Variants in TLE4 observed in about 807,000 individuals in gnomAD.
The protein encoded by TLE4 is transducin-like enhancer protein 4.
A neutral mutation model predicts 92.8 loss-of-function variants in TLE4; 8 were observed. That is an observed-to-expected ratio of 0.09 (90% CI 0.05 to 0.16). The LOEUF is 0.16. Among genes scored for constraint, TLE4 ranks in the 10% least tolerant of loss-of-function variants. TLE4 has a pLI of 1.00. For missense variants in TLE4, 675 were observed against 997.6 expected (o/e 0.68, Z 4.36); for synonymous variants, 371 against 374.1 (o/e 0.99, Z 0.10).
At chr9:79,723,077 C>A in intron 19 of TLE4, 42 bp downstream of exon 19, 1 of 1,566,130 alleles carries the variant, frequency 6.4e-7, no homozygotes, top group South Asian at 1.1e-5. Flanking sequence ...TTTGTTTAAT[C>A]AAACTCTCTG....
chr9:79,636,687 C>G (rs1272832525), intron 6 of TLE4, among the ~76,000 whole-genome samples: 1 of 152,144 alleles, frequency 6.6e-6, no homozygotes, highest in African/African-American at 2.4e-5. Flanking sequence ...AATTCATTCT[C>G]TGTCCCATTA....
rs1367655909 is a variant in TLE4 at position 79,610,137 on chromosome 9, C to T, written c.253-2519C>T. ...GTCTGTTATTCATCAGAAAGCAGGT[C>T]GCAGTTCAGTGAGCAGAAGAAAAGA... On this transcript the variant is annotated intron_variant, in intron 4 of 19. Coordinates refer to ENST00000376552, the MANE Select transcript of TLE4 (RefSeq NM_007005.6). Among the ~76,000 whole-genome samples, 8 of 151,974 alleles carry T rather than the reference C, an allele frequency of 5.3e-5. No homozygotes were observed. In the East Asian group the frequency reaches 1.4e-3, roughly 26 times the overall value.
rs190262535 is a variant in TLE4, at chr9:79,667,516, A to G, written c.609+13441A>G. On this transcript the variant is annotated intron_variant, in intron 8 of 19. Coordinates refer to ENST00000376552, the MANE Select transcript of TLE4 (RefSeq NM_007005.6). ...ATATAACATACATATACACATATAT[A>G]TATGTATATAAAACATTAAAGATAA... Among the ~76,000 whole-genome samples the G allele has an allele frequency of 1.4e-3, 212 of 152,338 alleles. 1 individual carries two copies. The highest frequency in any genetic ancestry group is 3.7e-3 in the African/African-American group (155 of 41,576).
intron 14 of TLE4, among the ~76,000 whole-genome samples, chr9:79,710,756 T>A (rs2073069244): frequency 1.3e-5 from 2 of 152,176 alleles, no homozygotes; most frequent in Non-Finnish European, 2.9e-5. Flanking sequence ...CCCTATTCTT[T>A]CCTCTTCTAC....
At chr9:79,604,073 G>A (rs115442127) in intron 4 of TLE4, among the ~76,000 whole-genome samples, 1,688 of 152,264 alleles carry the variant, frequency 0.011, 39 homozygotes, top group African/African-American at 0.038. Flanking sequence ...GATGATTACA[G>A]ATGCTGTCAC....
Position 79,644,275 on chromosome 9 carries a change from A to G in TLE4, c.391-8318A>G, listed in dbSNP as rs147334462. On this transcript the variant is annotated intron_variant, in intron 6 of 19. Coordinates refer to ENST00000376552, the MANE Select transcript of TLE4 (RefSeq NM_007005.6). ...GGGCATGTTTGCTTCCCCTTCCACC[A>G]TGATTTTAAGCTTCCTGAGGCCTCC... 2.0e-4 allele frequency among the ~76,000 whole-genome samples: 31 copies of G among 152,216 alleles called. No individual in the cohort carries two copies. The East Asian group carries it at 4.7e-3, about 23-fold the overall frequency.
intron 5 of TLE4, among the ~76,000 whole-genome samples, chr9:79,621,641 G>A (rs1029579654): frequency 2.6e-5 from 4 of 152,114 alleles, no homozygotes; most frequent in African/African-American, 9.7e-5. Flanking sequence ...GTGGCCTTTG[G>A]GCTGTGGTTG....
chr9:79,705,842 T>C (rs1376244365), intron 9 of TLE4, 47 bp from the exon 10 acceptor site: 6 of 1,590,066 alleles, frequency 3.8e-6, no homozygotes, highest in Non-Finnish European at 4.3e-6. Flanking sequence ...GTAAATGTGG[T>C]ATGTTTTGTG....
chr9:79,591,591 T>C (rs139120046), intron 4 of TLE4, among the ~76,000 whole-genome samples: 4 of 152,270 alleles, frequency 2.6e-5, no homozygotes, highest in Non-Finnish European at 4.4e-5. Context: ...TGTCAGTGAA[T>C]GTTGTTGAAA....
chr9:79,619,537 G>A (rs2050449876), intron 5 of TLE4, among the ~76,000 whole-genome samples: 2 of 152,144 alleles, frequency 1.3e-5, no homozygotes, highest in African/African-American at 2.4e-5. Flanking sequence ...TTAACTTTGC[G>A]AGGAATCAAT....
intron 4 of TLE4, among the ~76,000 whole-genome samples, chr9:79,595,767 G>A (rs895518894): frequency 1.3e-5 from 2 of 151,864 alleles, no homozygotes; most frequent in African/African-American, 4.8e-5. Flanking sequence ...TTGTGCTTTG[G>A]TTAATGCAAA....
chr9:79,716,976 T>G (rs1045156050), intron 14 of TLE4, among the ~76,000 whole-genome samples: 1 of 152,198 alleles, frequency 6.6e-6, no homozygotes, highest in Non-Finnish European at 1.5e-5. Flanking sequence ...GAACATCTTC[T>G]CCCCCTTTCT....
intron 8 of TLE4, among the ~76,000 whole-genome samples, chr9:79,681,986 T>TA (rs2064790916): frequency 2.0e-5 from 3 of 152,100 alleles, no homozygotes; most frequent in African/African-American, 7.2e-5. Context: ...AGTTTGAACT[T>TA]ACCTCACTGG....
intron 8 of TLE4, among the ~76,000 whole-genome samples, chr9:79,670,204 A>G (rs976035687): frequency 2.6e-5 from 4 of 152,058 alleles, no homozygotes; most frequent in African/African-American, 9.7e-5. Context: ...GAAAAAAAAA[A>G]GAAAGAAAAA....
At chr9:79,670,068 T>C (rs1421564994) in intron 8 of TLE4, among the ~76,000 whole-genome samples, 2 of 151,980 alleles carry the variant, frequency 1.3e-5, no homozygotes, top group East Asian at 3.9e-4. Context: ...TGTGATTAAG[T>C]AGTTGGTAGT....
At chr9:79,594,887 C>G (rs982587148) in intron 4 of TLE4, among the ~76,000 whole-genome samples, 7 of 152,192 alleles carry the variant, frequency 4.6e-5, no homozygotes, top group Non-Finnish European at 1.0e-4. Flanking sequence ...ACTTAAAGCT[C>G]AAACATACTT....
At chr9:79,611,295 C>T (rs773409067) in intron 4 of TLE4, among the ~76,000 whole-genome samples, 50 of 152,008 alleles carry the variant, frequency 3.3e-4, no homozygotes, top group Non-Finnish European at 3.7e-4. Context: ...ACAGTTGGGT[C>T]CTTATTCACT....
At chr9:79,602,663 T>TC (rs2045917683) in intron 4 of TLE4, among the ~76,000 whole-genome samples, 1 of 152,216 alleles carries the variant, frequency 6.6e-6, no homozygotes, top group Non-Finnish European at 1.5e-5. Context: ...GTGTACCTAG[T>TC]CACCCAAGAG....
In TLE4 at chr9:79,610,725, T is replaced by C. The variant is rs1407556317; in HGVS notation, c.253-1931T>C. On this transcript the variant is annotated intron_variant, in intron 4 of 19. Coordinates refer to ENST00000376552, the MANE Select transcript of TLE4 (RefSeq NM_007005.6). ...TGAATAAAAAGGCTCTTCTCCTTTT[T>C]ACATTTATTTTTAAGAAAATGTAGA... Among the ~76,000 whole-genome samples the C allele has an allele frequency of 2.0e-5, 3 of 152,112 alleles. No individual in the cohort carries two copies. The East Asian group carries it at 5.8e-4, about 29-fold the overall frequency.
Sources: gnomAD v4.1 joint callset for allele counts (sites outside exome capture counted in the v4.1 genomes callset) on GRCh38, gnomAD v4.1.1 for gene constraint, MANE v1.5 for transcripts, NCBI Gene and HGNC (gene_info 2026-07-23, HGNC 2026-07-21) for gene names.